THNSL1: variants seen among roughly 807,000 people sequenced by gnomAD.
The protein encoded by THNSL1 is threonine synthase like 1.
Under a neutral mutation model 50.4 loss-of-function variants are expected in THNSL1, and 48 were observed. The ratio of observed to expected loss-of-function variants is 0.95; its 90% confidence interval spans 0.76 to 1.21. The LOEUF is 1.21. THNSL1 is among the 50% of genes most tolerant of loss of function. The probability of loss-of-function intolerance (pLI) is 0.00; values close to 1 mark genes in which losing one functional copy is unlikely to be tolerated. For synonymous variants in THNSL1, 309 were observed against 306.1 expected (o/e 1.01, Z -0.10); for missense variants, 896 against 871.7 (o/e 1.03, Z -0.35).
chr10:25,000,238 C>T, the THNSL1 span, among the ~76,000 whole-genome samples: 189 of 152,198 alleles, frequency 1.2e-3, no homozygotes, highest in African/African-American at 4.4e-3. Flanking sequence ...TTTTATGGCA[C>T]AAAGTATGTT....
At chr10:24,965,698 T>G in the THNSL1 span, among the ~76,000 whole-genome samples, 1 of 152,228 alleles carries the variant, frequency 6.6e-6, no homozygotes, top group East Asian at 1.9e-4. Flanking sequence ...CAGCTCTAGT[T>G]ATTGAAAAGT....
chr10:24,995,631 A>T, the THNSL1 span: 3 of 1,595,488 alleles, frequency 1.9e-6, no homozygotes, highest in Admixed American at 5.3e-5. Context: ...TCTTATTAAT[A>T]TACCACAAGG....
the THNSL1 span, among the ~76,000 whole-genome samples, chr10:25,002,192 C>T: frequency 6.6e-6 from 1 of 152,190 alleles, no homozygotes; most frequent in Admixed American, 6.5e-5. Flanking sequence ...TCCACCTGGG[C>T]TGGTGGGAAC....
At chr10:24,973,492 T>C in the THNSL1 span, among the ~76,000 whole-genome samples, 1 of 152,128 alleles carries the variant, frequency 6.6e-6, no homozygotes, top group Non-Finnish European at 1.5e-5. Context: ...ATTTTCCATT[T>C]AATATTTTCT....
the THNSL1 span, chr10:24,995,617 G>A: frequency 1.4e-5 from 21 of 1,543,772 alleles, no homozygotes; most frequent in Non-Finnish European, 1.9e-5. Context: ...TTGAATTTCA[G>A]CCCTCTTATT....
chr10:25,017,017 C>T (rs955539387), intron 1 of THNSL1, among the ~76,000 whole-genome samples: 10 of 152,166 alleles, frequency 6.6e-5, no homozygotes, highest in Non-Finnish European at 5.9e-5. Context: ...CTGCTGCGCT[C>T]GCCCTCCCGC....
rs1441919026 is a variant in THNSL1 at position 25,020,344 on chromosome 10, G to T, written c.-215-1398G>T. On this transcript the variant is annotated intron_variant, in intron 1 of 2. Coordinates refer to ENST00000376356, the MANE Select transcript of THNSL1 (RefSeq NM_024838.5). The stretch of plus-strand genomic sequence containing the variant: ...AATTTAAAAACAAGAGGGTAGAGGG[G>T]AACTAACATATAGGAAAAGTAAGAT... Among the ~76,000 whole-genome samples, 3 of 151,714 alleles carry T rather than the reference G, an allele frequency of 2.0e-5. No individual in the cohort carries two copies. The South Asian group carries it at 6.2e-4, about 32-fold the overall frequency.
At chr10:24,978,326 A>G in the THNSL1 span, among the ~76,000 whole-genome samples, 3 of 151,948 alleles carry the variant, frequency 2.0e-5, no homozygotes, top group African/African-American at 7.3e-5. Flanking sequence ...AGAGCATAGA[A>G]TGTTCTTCTA....
At chr10:25,011,988 C>G (rs1277941502), upstream of THNSL1, among the ~76,000 whole-genome samples, 1 of 152,214 alleles carries the variant, frequency 6.6e-6, no homozygotes. Flanking sequence ...GGGCTGGGCC[C>G]AGGGCCTTGC....
the THNSL1 span, among the ~76,000 whole-genome samples, chr10:25,003,560 G>A: frequency 6.6e-6 from 1 of 152,106 alleles, no homozygotes; most frequent in Admixed American, 6.6e-5. Context: ...TTAATATAGT[G>A]TGATATCTTA....
chr10:24,995,716 A>G, the THNSL1 span: 27 of 1,613,926 alleles, frequency 1.7e-5, no homozygotes, highest in African/African-American at 2.7e-5. Context: ...TCTTTTATCA[A>G]CATAAATTGG....
upstream of THNSL1, chr10:25,015,912 A>C: frequency 6.2e-7 from 1 of 1,608,250 alleles, no homozygotes; most frequent in Non-Finnish European, 8.5e-7. Flanking sequence ...TTATAAATGC[A>C]CTCAGAAGAG....
the THNSL1 span, among the ~76,000 whole-genome samples, chr10:24,962,908 A>G: frequency 5.9e-5 from 9 of 152,312 alleles, no homozygotes; most frequent in South Asian, 1.9e-3. Context: ...ACAACCCTAA[A>G]AGTCACACAC....
the THNSL1 span, among the ~76,000 whole-genome samples, chr10:24,994,221 ATCTCTCTTCCTTTTTCTTTATC>A: frequency 2.9e-3 from 429 of 148,878 alleles, 1 homozygote; most frequent in Non-Finnish European, 4.1e-3. Flanking sequence ...TTTTTTCTTT[ATCTCTCTTCCTTTTTCTTTATC>A]TCTCTCTTCC....
intron 1 of THNSL1, among the ~76,000 whole-genome samples, chr10:25,018,647 C>T (rs944947388): frequency 7.8e-6 from 1 of 128,650 alleles, no homozygotes; most frequent in Non-Finnish European, 1.6e-5. Context: ...TGTACATAAA[C>T]AAATGAGAGT....
At chr10:25,013,504 A>C (rs1274325039), upstream of THNSL1, among the ~76,000 whole-genome samples, 3 of 152,258 alleles carry the variant, frequency 2.0e-5, no homozygotes, top group African/African-American at 4.8e-5. Context: ...ATGGAAGCTT[A>C]GGCTGAATGG....
chr10:25,003,446 A>G, the THNSL1 span, among the ~76,000 whole-genome samples: 32 of 152,306 alleles, frequency 2.1e-4, no homozygotes, highest in East Asian at 6.2e-3. Context: ...GCCTCAAGTG[A>G]TCCACCTGCC....
the THNSL1 span, among the ~76,000 whole-genome samples, chr10:24,964,197 A>G: frequency 6.6e-6 from 1 of 152,224 alleles, no homozygotes; most frequent in Non-Finnish European, 1.5e-5. Context: ...GTAGAGGGTG[A>G]TAGCCCAAAC....
chr10:24,984,179 C>T, the THNSL1 span: 1 of 520,014 alleles, frequency 1.9e-6, no homozygotes, highest in South Asian at 5.5e-5. Flanking sequence ...TCATCATATA[C>T]AGTGTTACGA....
Sources: allele counts gnomAD v4.1 joint callset (sites outside exome capture counted in the v4.1 genomes callset), GRCh38; gene constraint gnomAD v4.1.1; transcripts MANE v1.5; gene names NCBI Gene and HGNC (gene_info 2026-07-23, HGNC 2026-07-21).